RBM27: variants seen among roughly 807,000 people sequenced by gnomAD.
The protein encoded by RBM27 is RNA-binding protein 27.
A neutral mutation model predicts 135.3 loss-of-function variants in RBM27; 22 were observed. The ratio of observed to expected loss-of-function variants is 0.16; its 90% confidence interval spans 0.12 to 0.23. RBM27 has a LOEUF of 0.23. RBM27 is among the 10% of genes least tolerant of loss of function. RBM27 has a pLI of 1.00. For synonymous variants in RBM27, 481 were observed against 442.4 expected (o/e 1.09, Z -1.10); for missense variants, 1,009 against 1,281.0 (o/e 0.79, Z 3.24).
intron 17 of RBM27, 59 bp from the exon 18 acceptor site, chr5:146,270,895 C>G (rs1758833494): frequency 9.5e-7 from 1 of 1,052,652 alleles, no homozygotes; most frequent in Non-Finnish European, 1.4e-6. Context: ...CTATCATGTT[C>G]TGGAGGAGAT....
intron 19 of RBM27, among the ~76,000 whole-genome samples, chr5:146,282,490 G>GA (rs1193753423): frequency 6.6e-6 from 1 of 151,990 alleles, no homozygotes; most frequent in African/African-American, 2.4e-5. Context: ...AAAATATTGG[G>GA]AAAAAAATGA....
chr5:146,261,730 T>C lies in RBM27; in HGVS notation c.2114T>C (p.Leu705Pro). 2 of 1,614,182 alleles carry C rather than the reference T, an allele frequency of 1.2e-6. No individual in the cohort carries two copies. The highest frequency in any genetic ancestry group is 1.7e-6 in the Non-Finnish European group (2 of 1,180,006). Residue 705 changes from leucine (L) to proline (P), a missense_variant, in exon 13 of 21, where the codon CTG (leucine) becomes CCG (proline). Transcript: ENST00000265271. ...LSHLSQQHHH[L>P]PQHLHQQQVL... Reference sequence around the variant, plus strand: ...CACCTCTCACAGCAGCACCATCACCTGCCACAGCATCTACATCAGCAGCAG... The same window carrying C: ...CACCTCTCACAGCAGCACCATCACCCGCCACAGCATCTACATCAGCAGCAG...
chr5:146,261,437 A>G (rs962343892), intron 12 of RBM27, 73 bp from the exon 13 acceptor site: 3 of 1,241,630 alleles, frequency 2.4e-6, no homozygotes, highest in African/African-American at 3.0e-5. Context: ...AACATTCATT[A>G]CATAGCAGTG....
intron 19 of RBM27, 35 bp from the exon 20 acceptor site, chr5:146,284,587 T>G: frequency 7.4e-7 from 1 of 1,348,966 alleles, no homozygotes; most frequent in Non-Finnish European, 1.1e-6. Context: ...TAAATTTGAG[T>G]GCAAACTTGT....
At chr5:146,285,367 T>C (rs922013913) in intron 20 of RBM27, among the ~76,000 whole-genome samples, 10 of 152,146 alleles carry the variant, frequency 6.6e-5, no homozygotes, top group Admixed American at 6.5e-4. Context: ...TTTGATCAAG[T>C]GTCTTCTCAC....
Position 146,286,080 on chromosome 5 carries a change from C to T in RBM27, c.*50C>T. 1 of 1,501,870 alleles carries T rather than the reference C, an allele frequency of 6.7e-7. No homozygotes were observed. Among genetic ancestry groups the T allele is most frequent in the Non-Finnish European group, 9.0e-7 (1 of 1,112,170 alleles). 93.0% of individuals were successfully genotyped at this position (1,501,870 alleles called of 1,614,324 possible). On this transcript the variant is annotated 3_prime_UTR_variant, in exon 21 of 21. Transcript: ENST00000265271. The stretch of plus-strand genomic sequence containing the variant: ...TTAGGAATATTGTTTAGAAGAACAA[C>T]TTTTAAAAATTATTTAAAAGAAGTC...
intron 1 of RBM27, among the ~76,000 whole-genome samples, chr5:146,215,625 C>T (rs1381967305): frequency 6.6e-6 from 1 of 152,064 alleles, no homozygotes; most frequent in Non-Finnish European, 1.5e-5. Context: ...CCCTTCTCTC[C>T]TCCATATGAA....
At chr5:146,246,481 G>A (rs568079838) in intron 8 of RBM27, among the ~76,000 whole-genome samples, 83 of 152,292 alleles carry the variant, frequency 5.5e-4, no homozygotes, top group African/African-American at 2.0e-3. Flanking sequence ...CTGACAGACT[G>A]ATCTTCACCA....
chr5:146,216,125 C>G (rs989173011), intron 1 of RBM27, among the ~76,000 whole-genome samples: 7 of 152,002 alleles, frequency 4.6e-5, no homozygotes, highest in Non-Finnish European at 1.0e-4. Flanking sequence ...GGCACAATCT[C>G]GGCTCACTGC....
At chr5:146,214,144 G>A (rs1194051897) in intron 1 of RBM27, among the ~76,000 whole-genome samples, 3 of 152,074 alleles carry the variant, frequency 2.0e-5, no homozygotes, top group African/African-American at 4.8e-5. Flanking sequence ...ATCTTAAATC[G>A]ATCTCTTAAT....
rs890837538 is a variant in RBM27, at chr5:146,218,098, A to G, written c.60-887A>G. ...TACCTTCATAACCTGACTGTGAAGG[A>G]TATGTGTTATTTATGTATTCATCAG... is the stretch of plus-strand genomic sequence containing the variant. On this transcript the variant is annotated intron_variant, in intron 1 of 20. Transcript: ENST00000265271. Among the ~76,000 whole-genome samples, 3 of 152,090 alleles carry G rather than the reference A, an allele frequency of 2.0e-5. No homozygotes were observed. In the South Asian group the frequency reaches 6.2e-4, roughly 32 times the overall value.
At chr5:146,210,753 C>A (rs1755897803) in intron 1 of RBM27, among the ~76,000 whole-genome samples, 1 of 151,494 alleles carries the variant, frequency 6.6e-6, no homozygotes, top group Non-Finnish European at 1.5e-5. Flanking sequence ...GGAGACCATC[C>A]TGGCTAACAC....
At chr5:146,218,940 TAA>T in intron 1 of RBM27, 43 bp from the exon 2 acceptor site, 4 of 1,267,522 alleles carry the variant, frequency 3.2e-6, no homozygotes, top group Non-Finnish European at 4.5e-6. Flanking sequence ...TACTGTTTGA[TAA>T]AAAGTGTTTT....
intron 2 of RBM27, among the ~76,000 whole-genome samples, chr5:146,219,680 T>C (rs1756359850): frequency 6.6e-6 from 1 of 152,052 alleles, no homozygotes; most frequent in Non-Finnish European, 1.5e-5. Flanking sequence ...ATGGCAAACA[T>C]GTTCCCAACT....
intron 6 of RBM27, among the ~76,000 whole-genome samples, chr5:146,231,256 C>T (rs1756917927): frequency 6.6e-6 from 1 of 152,174 alleles, no homozygotes; most frequent in Non-Finnish European, 1.5e-5. Flanking sequence ...AGGCATGTGC[C>T]ACCATGCCTG....
chr5:146,203,808 A>G lies in RBM27; in HGVS notation c.43A>G (p.Lys15Glu). The G allele has an allele frequency of 1.3e-6, 2 of 1,531,164 alleles. No homozygotes were observed. Among genetic ancestry groups the G allele is most frequent in the South Asian group, 1.2e-5 (1 of 83,692 alleles). 94.8% of individuals were successfully genotyped at this position (1,531,164 alleles called of 1,614,324 possible). A position where few individuals can be genotyped will look rare whatever the true frequency, so the allele number is the denominator to read the frequency against. The change falls in exon 1 of 21, where the codon AAG (lysine) becomes GAG (glutamate). Residue 15 changes from lysine to glutamate, a missense_variant. This residue lies in a region of RBM27 where 268 missense variants were observed against 326.6 expected (regional missense o/e 0.82). Transcript: ENST00000265271. ...DVDALKSWLA[K>E]LLEPICDADP... Reference sequence around the variant, plus strand: ...GGATGCCCTCAAGTCCTGGCTGGCCAAGTTACTGGAGCCGATGTGAGTGAG... The same window carrying G: ...GGATGCCCTCAAGTCCTGGCTGGCCGAGTTACTGGAGCCGATGTGAGTGAG...
intron 11 of RBM27, among the ~76,000 whole-genome samples, chr5:146,260,165 G>A (rs1387483230): frequency 2.0e-5 from 3 of 151,792 alleles, no homozygotes; most frequent in Non-Finnish European, 4.4e-5. Flanking sequence ...CGTGCGTGTT[G>A]GCATGCACCT....
chr5:146,260,630 T>C, intron 11 of RBM27, 115 bp from the exon 12 acceptor site: 4 of 771,564 alleles, frequency 5.2e-6, no homozygotes, highest in Non-Finnish European at 8.1e-6. Flanking sequence ...GGAGCCACCA[T>C]GCCCAGCCAC....
intron 15 of RBM27, among the ~76,000 whole-genome samples, chr5:146,268,154 C>T (rs974983652): frequency 1.3e-5 from 2 of 151,894 alleles, no homozygotes; most frequent in Admixed American, 6.6e-5. Context: ...TTTATATGTA[C>T]TATCTCAGTA....
Sources: allele counts gnomAD v4.1 joint callset (sites outside exome capture counted in the v4.1 genomes callset), GRCh38; gene constraint gnomAD v4.1.1; regional missense constraint gnomAD v4.1.1; transcripts MANE v1.5; gene names NCBI Gene and HGNC (gene_info 2026-07-23, HGNC 2026-07-21).